The following SYNE3 variants were observed in gnomAD, a reference collection of about 807,000 sequenced individuals.
The protein encoded by SYNE3 is nesprin-3.
Under a neutral mutation model 111.2 loss-of-function variants are expected in SYNE3, and 100 were observed. That is an observed-to-expected ratio of 0.90 (90% CI 0.77 to 1.06). SYNE3 has a LOEUF of 1.06. SYNE3 is among the 50% of genes least tolerant of loss of function. SYNE3 has a pLI of 0.00. For missense variants in SYNE3, 1,160 were observed against 1,240.3 expected (o/e 0.94, Z 0.97); for synonymous variants, 547 against 533.9 (o/e 1.02, Z -0.34).
At position 95,443,147 on chromosome 14, in the gene SYNE3, C is replaced by G; in HGVS notation, c.1911+8G>C. ...GTCAAAGCACAGGCCCTTCTGCCAGCCCCTTACCTCCAGAGACCTCTGCAG... is the reference window on the plus strand; with the variant it reads ...GTCAAAGCACAGGCCCTTCTGCCAGGCCCTTACCTCCAGAGACCTCTGCAG... On this transcript the variant is annotated splice_region_variant and intron_variant, in intron 11 of 17. Coordinates refer to ENST00000682763, the MANE Select transcript of SYNE3 (RefSeq NM_152592.6). 1.2e-6 allele frequency: 2 copies of G among 1,613,656 alleles called. No homozygotes were observed. Among genetic ancestry groups the G allele is most frequent in the Non-Finnish European group, 1.7e-6 (2 of 1,179,780 alleles).
chr14:95,472,888 C>T (rs1311687795), intron 2 of SYNE3, among the ~76,000 whole-genome samples: 1 of 152,122 alleles, frequency 6.6e-6, no homozygotes, highest in Non-Finnish European at 1.5e-5. Context: ...AGGCATGGGA[C>T]ATCCTCCCGG....
chr14:95,457,611 C>G (rs1421180413), intron 4 of SYNE3, among the ~76,000 whole-genome samples: 1 of 152,148 alleles, frequency 6.6e-6, no homozygotes, highest in African/African-American at 2.4e-5. Flanking sequence ...TTTGCCACAT[C>G]CTAGGAATGG....
chr14:95,479,644 C>T (rs1220678890), intron 1 of SYNE3, among the ~76,000 whole-genome samples: 1 of 152,032 alleles, frequency 6.6e-6, no homozygotes, highest in Non-Finnish European at 1.5e-5. Flanking sequence ...TGGTGAGGCT[C>T]CATGTCCAGT....
chr14:95,409,342 C>T lies in SYNE3; in HGVS notation c.*8484G>A, dbSNP rs1415005488. 1 of 456,622 alleles carries T rather than the reference C, an allele frequency of 2.2e-6. No individual in the cohort carries two copies. The highest frequency in any genetic ancestry group is 2.0e-5 in the African/African-American group (1 of 50,070). 28.3% of individuals were successfully genotyped at this position (456,622 alleles called of 1,614,324 possible). ...AGGCGCTCGGGGTATGTTTTCTTCC[C>T]TCCCTTTCTCATCAGAACAGGAAGA... On this transcript the variant is annotated 3_prime_UTR_variant, in exon 18 of 18. Coordinates refer to ENST00000682763, the MANE Select transcript of SYNE3 (RefSeq NM_152592.6).
chr14:95,511,734 A>T lies in SYNE3; in HGVS notation c.-15+4862T>A, dbSNP rs544957376. Among the ~76,000 whole-genome samples the T allele has an allele frequency of 1.5e-3, 223 of 152,004 alleles. 1 individual carries two copies. Among genetic ancestry groups the T allele is most frequent in the African/African-American group, 3.8e-3 (158 of 41,426 alleles). On this transcript the variant is annotated intron_variant, in intron 1 of 17. Transcript: ENST00000682763. Reference sequence around the variant, plus strand: ...CTTCTCAAAAAATAAATAAATAAATAAATTAAATAAAATAAATAAAATGAT... The same window carrying T: ...CTTCTCAAAAAATAAATAAATAAATTAATTAAATAAAATAAATAAAATGAT...
At chr14:95,449,892 C>T (rs1199479017) in intron 8 of SYNE3, 39 bp downstream of exon 8, 2 of 1,536,028 alleles carry the variant, frequency 1.3e-6, no homozygotes, top group Non-Finnish European at 8.8e-7. Flanking sequence ...CCGCCAGTGG[C>T]CCACCCCAGC....
rs150987318 is a variant in SYNE3, at chr14:95,513,156, A to G, written c.-15+3440T>C. Among the ~76,000 whole-genome samples the G allele has an allele frequency of 2.3e-3, 342 of 151,874 alleles. 1 individual carries two copies. Among genetic ancestry groups the G allele is most frequent in the African/African-American group, 7.9e-3 (327 of 41,408 alleles). The stretch of plus-strand genomic sequence containing the variant: ...GATCTCCTTTGTAACTGCCCCCCCG[A>G]CTCTCCTGATCCTCTCTCACCTTTC... On this transcript the variant is annotated intron_variant, in intron 1 of 17. Coordinates refer to ENST00000682763, the MANE Select transcript of SYNE3 (RefSeq NM_152592.6).
intron 2 of SYNE3, among the ~76,000 whole-genome samples, chr14:95,472,815 C>T (rs1483034571): frequency 6.6e-6 from 1 of 152,148 alleles, no homozygotes; most frequent in Non-Finnish European, 1.5e-5. Context: ...CTTAACCCCT[C>T]GGGAACACAA....
In SYNE3 at chr14:95,504,409, C is replaced by G. The variant is rs1253685797; in HGVS notation, c.-15+12187G>C. ...TATCCTAGAAAATTCTATACTAGTCCTTTCAGCAAACTGTGACACAATCTG... is the reference window on the plus strand; with the variant it reads ...TATCCTAGAAAATTCTATACTAGTCGTTTCAGCAAACTGTGACACAATCTG... On this transcript the variant is annotated intron_variant, in intron 1 of 17. Transcript: ENST00000682763. Among the ~76,000 whole-genome samples the G allele has an allele frequency of 2.0e-5, 3 of 152,228 alleles. No homozygotes were observed. The East Asian group carries it at 5.8e-4, about 29-fold the overall frequency.
At chr14:95,503,554 A>C (rs1005564508) in intron 1 of SYNE3, among the ~76,000 whole-genome samples, 1 of 151,660 alleles carries the variant, frequency 6.6e-6, no homozygotes, top group Non-Finnish European at 1.5e-5. Flanking sequence ...AAACAAATTA[A>C]CACTAGGTTC....
At chr14:95,476,071 T>C (rs1408787454) in intron 1 of SYNE3, among the ~76,000 whole-genome samples, 1 of 152,244 alleles carries the variant, frequency 6.6e-6, no homozygotes, top group African/African-American at 2.4e-5. Context: ...CAAAACTGCT[T>C]TGTCTTTGGC....
rs142446895 is a variant in SYNE3 at position 95,465,115 on chromosome 14, G to A, written c.627+816C>T. On this transcript the variant is annotated intron_variant, in intron 4 of 17. Transcript: ENST00000682763. ...AATGCAGACAGAGAATGGACAGAGG[G>A]ACTGGGGCAAGGGCAAGAGAGAGCA... 5.3e-3 allele frequency among the ~76,000 whole-genome samples: 806 copies of A among 152,250 alleles called. 25 individuals carry two copies. The highest frequency in any genetic ancestry group is 0.044 in the Admixed American group (675 of 15,278).
chr14:95,513,642 A>G (rs1890798684), intron 1 of SYNE3, among the ~76,000 whole-genome samples: 1 of 150,576 alleles, frequency 6.6e-6, no homozygotes, highest in African/African-American at 2.4e-5. Context: ...CATCATCCCT[A>G]AGTCCTAAAG....
At chr14:95,473,585 C>G (rs115975074) in intron 2 of SYNE3, among the ~76,000 whole-genome samples, 2 of 152,094 alleles carry the variant, frequency 1.3e-5, no homozygotes, top group Non-Finnish European at 2.9e-5. Context: ...GGAAGGTCTA[C>G]GAGGTCTTCT....
intron 1 of SYNE3, among the ~76,000 whole-genome samples, chr14:95,497,372 C>A (rs1388626610): frequency 1.3e-5 from 2 of 152,128 alleles, no homozygotes; most frequent in Non-Finnish European, 2.9e-5. Context: ...TGGTAAAGTG[C>A]TTAGAACAAT....
rs188984668 is a variant in SYNE3, at chr14:95,455,653, A to G, written c.861T>C (p.Ile287=). Residue 287 remains isoleucine, a synonymous_variant, in exon 6 of 18, where the codon ATT becomes ATC. Coordinates refer to ENST00000682763, the MANE Select transcript of SYNE3 (RefSeq NM_152592.6). ...CTGCACCCAAAGGAGAGGTGTTCCG[A>G]ATGACACCCGCAGACTGCTCCTCCA... ...ETLEEQSAGV[I]RNTSPLGAEK... is the part of the protein sequence containing the mutation. 98 of 1,614,152 alleles carry G rather than the reference A, an allele frequency of 6.1e-5. No individual in the cohort carries two copies. The East Asian group carries it at 2.1e-3, about 34-fold the overall frequency.
At chr14:95,469,768 G>T (rs1888410565) in intron 2 of SYNE3, among the ~76,000 whole-genome samples, 2 of 152,050 alleles carry the variant, frequency 1.3e-5, no homozygotes, top group East Asian at 3.9e-4. Flanking sequence ...TTAAACATGG[G>T]TATAAGTTAG....
At chr14:95,482,079 C>T (rs1889294201) in intron 1 of SYNE3, among the ~76,000 whole-genome samples, 1 of 152,214 alleles carries the variant, frequency 6.6e-6, no homozygotes, top group South Asian at 2.1e-4. Flanking sequence ...GGGCTGATGC[C>T]CCATAAGGAC....
chr14:95,450,262 C>T (rs1260029041), intron 7 of SYNE3, 157 bp from the exon 8 acceptor site: 8 of 838,290 alleles, frequency 9.5e-6, no homozygotes, highest in Admixed American at 2.9e-5. Flanking sequence ...CAGCAGTAGA[C>T]AGAAGATGTA....
Sources: allele counts gnomAD v4.1 joint callset (sites outside exome capture counted in the v4.1 genomes callset), GRCh38; gene constraint gnomAD v4.1.1; transcripts MANE v1.5; gene names NCBI Gene and HGNC (gene_info 2026-07-23, HGNC 2026-07-21).